MYO1E: variants seen among roughly 807,000 people sequenced by gnomAD.
MYO1E encodes unconventional myosin-Ie.
Under a neutral mutation model 151.1 loss-of-function variants are expected in MYO1E, and 68 were observed. The observed-to-expected ratio is 0.45, with a 90% CI of 0.37 to 0.55. The LOEUF is 0.55. Among genes scored for constraint, MYO1E ranks in the 20% least tolerant of loss-of-function variants. The pLI, the probability that MYO1E is intolerant of heterozygous loss-of-function variation, is 0.00. For missense variants in MYO1E, 1,363 were observed against 1,389.3 expected (o/e 0.98, Z 0.30); for synonymous variants, 601 against 501.7 (o/e 1.20, Z -2.64).
chr15:59,224,379 T>C (rs568866398), intron 8 of MYO1E, among the ~76,000 whole-genome samples: 1 of 152,300 alleles, frequency 6.6e-6, no homozygotes, highest in African/African-American at 2.4e-5. Context: ...AGCTCACGAA[T>C]AGAGTAGGCC....
At chr15:59,222,433 C>A (rs978412122) in intron 9 of MYO1E, among the ~76,000 whole-genome samples, 1 of 152,156 alleles carries the variant, frequency 6.6e-6, no homozygotes, top group African/African-American at 2.4e-5. Flanking sequence ...GTAGGAAGAA[C>A]CCTGATTTTT....
intron 1 of MYO1E, among the ~76,000 whole-genome samples, chr15:59,326,788 A>G (rs965955740): frequency 6.6e-6 from 1 of 152,200 alleles, no homozygotes; most frequent in Admixed American, 6.5e-5. Flanking sequence ...TTCCTACATA[A>G]ATTCTTCCCT....
At chr15:59,324,663 G>GCACCCC (rs1445556603) in intron 1 of MYO1E, among the ~76,000 whole-genome samples, 3 of 147,992 alleles carry the variant, frequency 2.0e-5, no homozygotes, top group African/African-American at 7.6e-5. Context: ...CCCATCCCAA[G>GCACCCC]CCCCCCCCCC....
chr15:59,243,049 G>A (rs2080109391), intron 4 of MYO1E, among the ~76,000 whole-genome samples: 3 of 146,198 alleles, frequency 2.1e-5, no homozygotes, highest in African/African-American at 7.5e-5. Context: ...GTGTCAGGGA[G>A]ATAAACAAGA....
intron 1 of MYO1E, among the ~76,000 whole-genome samples, chr15:59,354,357 T>C (rs2080841988): frequency 6.6e-6 from 1 of 152,288 alleles, no homozygotes; most frequent in South Asian, 2.1e-4. Flanking sequence ...GACACAACCT[T>C]GGTCAGGAAA....
At position 59,236,570 on chromosome 15, in the gene MYO1E, C is replaced by A; in HGVS notation, c.420+15G>T. On this transcript the variant is annotated intron_variant, in intron 5 of 27. Coordinates refer to ENST00000288235, the MANE Select transcript of MYO1E (RefSeq NM_004998.4). ...CCATAACATAAGGTATCATAATGGG[C>A]CACTGCCCACTCACCTGGACTTTGG... 1.3e-6 allele frequency: 2 copies of A among 1,595,506 alleles called. No individual in the cohort carries two copies. Among genetic ancestry groups the A allele is most frequent in the Non-Finnish European group, 8.6e-7 (1 of 1,163,262 alleles).
intron 18 of MYO1E, among the ~76,000 whole-genome samples, chr15:59,184,517 C>T (rs1435324052): frequency 6.6e-6 from 1 of 151,964 alleles, no homozygotes; most frequent in African/African-American, 2.4e-5. Context: ...TGGGACACCA[C>T]ACTTGGCTAA....
intron 1 of MYO1E, among the ~76,000 whole-genome samples, chr15:59,272,792 C>G (rs771167108): frequency 6.6e-6 from 1 of 152,166 alleles, no homozygotes; most frequent in South Asian, 2.1e-4. Context: ...GTCAGGAATA[C>G]AGCACAACAC....
intron 4 of MYO1E, among the ~76,000 whole-genome samples, chr15:59,256,015 G>A (rs2080191988): frequency 6.6e-6 from 1 of 152,190 alleles, no homozygotes. Context: ...GGGACCTACA[G>A]AAAAGGAATT....
chr15:59,233,357 C>A (rs1407261870), intron 5 of MYO1E, among the ~76,000 whole-genome samples: 1 of 152,056 alleles, frequency 6.6e-6, no homozygotes, highest in African/African-American at 2.4e-5. Flanking sequence ...AGAGAAAGAG[C>A]AAACTGAGGT....
intron 4 of MYO1E, among the ~76,000 whole-genome samples, chr15:59,248,902 G>A (rs2080147296): frequency 6.6e-6 from 1 of 152,200 alleles, no homozygotes; most frequent in Non-Finnish European, 1.5e-5. Context: ...TTCGTGGACT[G>A]TGTTCCAGGG....
chr15:59,265,595 C>A (rs939767794), intron 2 of MYO1E, among the ~76,000 whole-genome samples: 1 of 151,890 alleles, frequency 6.6e-6, no homozygotes, highest in African/African-American at 2.4e-5. Context: ...GAAATTTGTA[C>A]CTGCTCCCTA....
intron 14 of MYO1E, chr15:59,207,639 C>T (rs755297730): frequency 1.2e-6 from 2 of 1,614,166 alleles, no homozygotes; most frequent in Non-Finnish European, 1.7e-6. Flanking sequence ...ATTCTGAAAG[C>T]TGCCATGGAT....
chr15:59,284,311 A>T (rs1474046796), intron 1 of MYO1E, among the ~76,000 whole-genome samples: 1 of 152,250 alleles, frequency 6.6e-6, no homozygotes, highest in African/African-American at 2.4e-5. Context: ...ATAAGTTTCC[A>T]AGGCGTTCCT....
chr15:59,150,956 TG>T (rs1392442387), intron 26 of MYO1E, among the ~76,000 whole-genome samples: 2 of 147,654 alleles, frequency 1.4e-5, no homozygotes, highest in Non-Finnish European at 3.0e-5. Flanking sequence ...TGAGAGCTGG[TG>T]GGATATAGCT....
chr15:59,194,591 C>T (rs1456368963), intron 17 of MYO1E, among the ~76,000 whole-genome samples: 1 of 152,180 alleles, frequency 6.6e-6, no homozygotes, highest in African/African-American at 2.4e-5. Context: ...AGAGAGAAGA[C>T]AAGAGGTAGC....
At chr15:59,194,175 C>CA (rs35566951) in intron 17 of MYO1E, among the ~76,000 whole-genome samples, 8,761 of 121,106 alleles carry the variant, frequency 0.072, 472 homozygotes, top group African/African-American at 0.17. Context: ...CTCTTGTCTC[C>CA]AAAAAAAAAA....
chr15:59,236,218 C>G (rs1298458691), intron 5 of MYO1E, among the ~76,000 whole-genome samples: 1 of 151,908 alleles, frequency 6.6e-6, no homozygotes, highest in Non-Finnish European at 1.5e-5. Context: ...TGGGGCACAC[C>G]TGTAATCCCA....
At chr15:59,267,962 G>A (rs1410385656) in intron 2 of MYO1E, among the ~76,000 whole-genome samples, 1 of 152,082 alleles carries the variant, frequency 6.6e-6, no homozygotes, top group Non-Finnish European at 1.5e-5. Context: ...TGTGCATTCA[G>A]CCTGAATGCA....
Sources: allele counts gnomAD v4.1 joint callset (sites outside exome capture counted in the v4.1 genomes callset), GRCh38; gene constraint gnomAD v4.1.1; transcripts MANE v1.5; gene names NCBI Gene and HGNC (gene_info 2026-07-23, HGNC 2026-07-21).